MYO10: variants seen among roughly 807,000 people sequenced by gnomAD.
MYO10 encodes the protein myosin X.
MYO10 carries 133 observed loss-of-function variants against 257.3 expected under a neutral mutation model. That is an observed-to-expected ratio of 0.52 (90% CI 0.45 to 0.60). The LOEUF is 0.60. Among genes scored for constraint, MYO10 ranks in the 20% least tolerant of loss-of-function variants. The probability of loss-of-function intolerance (pLI) is 0.00; values close to 1 mark genes in which losing one functional copy is unlikely to be tolerated. For synonymous variants in MYO10, 1,104 were observed against 1,028.6 expected, an observed-to-expected ratio of 1.07 and a Z score of -1.40; for missense variants, 2,399 against 2,635.7, an observed-to-expected ratio of 0.91 and a Z score of 1.97.
chr5:16,857,774 C>T (rs886234947), intron 2 of MYO10, among the ~76,000 whole-genome samples: 2 of 152,226 alleles, frequency 1.3e-5, no homozygotes, highest in African/African-American at 4.8e-5. Flanking sequence ...GGCTTAACAA[C>T]AGACTCATCC....
intron 1 of MYO10, among the ~76,000 whole-genome samples, chr5:16,879,824 C>A (rs10520845): frequency 0.055 from 8,327 of 152,284 alleles, 471 homozygotes; most frequent in East Asian, 0.15. Flanking sequence ...TAAGACGACA[C>A]AAAATCTGAC....
At chr5:16,834,813 G>A (rs1743263045) in intron 2 of MYO10, among the ~76,000 whole-genome samples, 1 of 152,192 alleles carries the variant, frequency 6.6e-6, no homozygotes, top group African/African-American at 2.4e-5. Flanking sequence ...ATGAGTCCTA[G>A]CTTTAAACAT....
At chr5:16,758,937 T>C (rs1422539323) in intron 17 of MYO10, among the ~76,000 whole-genome samples, 1 of 151,980 alleles carries the variant, frequency 6.6e-6, no homozygotes, top group Non-Finnish European at 1.5e-5. Context: ...AATTTTTTTT[T>C]TTTAGACAGA....
chr5:16,867,944 T>C (rs1744328339), intron 2 of MYO10, among the ~76,000 whole-genome samples: 3 of 152,140 alleles, frequency 2.0e-5, no homozygotes, highest in Admixed American at 6.5e-5. Context: ...GAAGACCCTA[T>C]AGAGAGACAA....
rs1740712352 is a variant in MYO10, at chr5:16,761,498, G to A, written c.1705C>T (p.Arg569Ter). The stretch of plus-strand genomic sequence containing the variant: ...CTTAGCAAATTGAGAAGGTCATCTC[G>A]AAATGTATCTCTGTTCTTCTCCAAG... ...GILEKNRDTF[R>*]DDLLNLLRES... is the part of the protein sequence containing the mutation. Residue 569 changes from arginine to a stop codon, truncating the protein, a stop_gained, in exon 17 of 41, where the codon CGA becomes TGA. Coordinates refer to ENST00000513610, the MANE Select transcript of MYO10 (RefSeq NM_012334.3). LOFTEE classifies it high-confidence loss of function. The A allele has an allele frequency of 3.7e-6, 6 of 1,613,192 alleles. No individual in the cohort carries two copies. Among genetic ancestry groups the A allele is most frequent in the Admixed American group, 1.7e-5 (1 of 59,952 alleles).
At chr5:16,838,118 C>T (rs996375096) in intron 2 of MYO10, among the ~76,000 whole-genome samples, 5 of 152,070 alleles carry the variant, frequency 3.3e-5, no homozygotes, top group African/African-American at 1.2e-4. Context: ...ATGAAATAAC[C>T]CCACAATGGC....
intron 4 of MYO10, among the ~76,000 whole-genome samples, chr5:16,786,216 A>G (rs1019894176): frequency 3.3e-5 from 5 of 152,166 alleles, no homozygotes; most frequent in African/African-American, 1.2e-4. Context: ...GGCTCACCGA[A>G]TATGGCAAAA....
rs753989906 is a variant in MYO10 at position 16,703,064 on chromosome 5, C to T, written c.2371G>A (p.Ala791Thr). The change falls in exon 23 of 41, where the codon GCA (alanine) becomes ACA (threonine). Residue 791 changes from alanine to threonine, a missense_variant. Physicochemically the swap from Ala to Thr is moderately conservative, Grantham distance 58 (BLOSUM62 0). Around this residue, in one of 3 missense-constraint regions of MYO10, gnomAD observed 1,820 missense variants for 1,939.4 expected, o/e 0.94. Transcript: ENST00000513610. The part of the protein sequence containing the change: ...LRRRFLHLKK[A>T]AIVFQKQLRG... ...AGTTGCTTCTGGAAAACTATGGCTG[C>T]CTTTTTCAGGTGCAAAAATCTCCTC... The T allele has an allele frequency of 1.6e-5, 25 of 1,561,002 alleles. No individual in the cohort carries two copies. The highest frequency in any genetic ancestry group is 2.2e-5 in the Non-Finnish European group (25 of 1,151,372).
rs764784266 is a variant in MYO10, at chr5:16,877,625, C to T, written c.104G>A (p.Arg35Gln). 19 of 1,613,292 alleles carry T rather than the reference C, an allele frequency of 1.2e-5. No individual in the cohort carries two copies. Among genetic ancestry groups the T allele is most frequent in the Admixed American group, 6.7e-5 (4 of 59,988 alleles). The change falls in exon 2 of 41, where the codon CGG becomes CAG. Residue 35 changes from arginine to glutamine, a missense_variant. This residue lies in a region of MYO10 where 242 missense variants were observed against 249.5 expected (regional missense o/e 0.97). Transcript: ENST00000513610. ...TGTTCTCACCTGACCATAGTCTGTC[C>T]GGAAGACGACGATGCCTTCTGCACA... ...NSCAEGIVVF[R>Q]TDYGQVFTYK... is the part of the protein sequence containing the mutation.
At chr5:16,762,197 A>C (rs1293434855) in intron 15 of MYO10, 84 bp from the exon 16 acceptor site, 2 of 1,411,430 alleles carry the variant, frequency 1.4e-6, no homozygotes, top group East Asian at 2.5e-5. Context: ...AGAACACTAA[A>C]TACAAAAGAC....
chr5:16,892,836 G>A (rs943218177), intron 1 of MYO10, among the ~76,000 whole-genome samples: 6 of 152,022 alleles, frequency 3.9e-5, no homozygotes, highest in Admixed American at 6.6e-5. Flanking sequence ...TTCAACCAAC[G>A]CACCACAGTT....
At chr5:16,871,130 C>A (rs576534862) in intron 2 of MYO10, among the ~76,000 whole-genome samples, 2 of 152,298 alleles carry the variant, frequency 1.3e-5, no homozygotes, top group East Asian at 3.9e-4. Context: ...ATCTTCCAAA[C>A]GTTTCATCTT....
At chr5:16,756,137 A>G (rs1006363977) in intron 18 of MYO10, among the ~76,000 whole-genome samples, 1 of 152,166 alleles carries the variant, frequency 6.6e-6, no homozygotes, top group Non-Finnish European at 1.5e-5. Flanking sequence ...CAGTGGTGTG[A>G]TCACAGCTCA....
chr5:16,925,079 C>T (rs1746095998), intron 1 of MYO10, among the ~76,000 whole-genome samples: 1 of 152,186 alleles, frequency 6.6e-6, no homozygotes, highest in African/African-American at 2.4e-5. Flanking sequence ...GATCCGCCTG[C>T]CTCGGCCTCC....
intron 2 of MYO10, among the ~76,000 whole-genome samples, chr5:16,862,002 G>C (rs183652301): frequency 4.5e-4 from 69 of 152,234 alleles, no homozygotes; most frequent in Non-Finnish European, 8.4e-4. Context: ...GCCTGCTGGA[G>C]AGATGTCACC....
At position 16,702,938 on chromosome 5, in the gene MYO10, C is replaced by T; in HGVS notation, c.2497G>A (p.Glu833Lys). 1.9e-6 allele frequency: 3 copies of T among 1,551,490 alleles called. No individual in the cohort carries two copies. Among genetic ancestry groups the T allele is most frequent in the Non-Finnish European group, 2.6e-6 (3 of 1,146,928 alleles). Residue 833 changes from glutamate (E) to lysine (K), a missense_variant, in exon 23 of 41, where the codon GAG becomes AAG. Glu to Lys is a moderately conservative substitution (Grantham distance 56). Around this residue, in one of 3 missense-constraint regions of MYO10, gnomAD observed 1,820 missense variants for 1,939.4 expected, o/e 0.94. Coordinates refer to ENST00000513610, the MANE Select transcript of MYO10 (RefSeq NM_012334.3). ...AAGGTACTGTACCTTTCTTCTTCCT[C>T]CCGTTTCTTCTTTTCTTCCTCTTCC... ...KQEEEEKKKR[E>K]EEERERERER... is the part of the protein sequence containing the mutation.
chr5:16,825,898 A>G (rs552240567), intron 2 of MYO10, among the ~76,000 whole-genome samples: 1 of 152,136 alleles, frequency 6.6e-6, no homozygotes, highest in Non-Finnish European at 1.5e-5. Context: ...TAATTCCAGC[A>G]CTTTCGGAAG....
chr5:16,801,771 C>A (rs1742127382), intron 3 of MYO10, among the ~76,000 whole-genome samples: 1 of 149,980 alleles, frequency 6.7e-6, no homozygotes. Context: ...CAAGCACTTT[C>A]TTATTCTTTT....
chr5:16,755,720 CTTTTTTTTTTTT>C (rs544255942), intron 18 of MYO10, among the ~76,000 whole-genome samples: 2 of 130,796 alleles, frequency 1.5e-5, no homozygotes, highest in African/African-American at 5.5e-5. Context: ...TCTTTTCCAA[CTTTTTTTTTTTT>C]TTTTTTTTTA....
Sources: gnomAD v4.1 joint callset for allele counts (sites outside exome capture counted in the v4.1 genomes callset) on GRCh38, gnomAD v4.1.1 for gene constraint, gnomAD v4.1.1 regional missense constraint, MANE v1.5 for transcripts, NCBI Gene and HGNC (gene_info 2026-07-23, HGNC 2026-07-21) for gene names.